The following CDH22 variants were observed in gnomAD, a reference collection of about 807,000 sequenced individuals.
CDH22 encodes cadherin 22.
In CDH22, 30 loss-of-function variants were observed where a neutral mutation model predicts 58.4. The observed-to-expected ratio is 0.51, with a 90% confidence interval of 0.38 to 0.70. CDH22 has a LOEUF of 0.70. CDH22 is among the 30% of genes least tolerant of loss of function. CDH22 has a pLI of 0.00. For missense variants in CDH22, 1,014 were observed against 1,233.9 expected, an observed-to-expected ratio of 0.82 and a Z score of 2.67; for synonymous variants, 513 against 558.2, an observed-to-expected ratio of 0.92 and a Z score of 1.14.
Position 46,174,439 on chromosome 20 carries a change from C to T in CDH22, c.*67G>A, listed in dbSNP as rs1483561618. On this transcript the variant is annotated 3_prime_UTR_variant, in exon 12 of 12. Coordinates refer to ENST00000537909, the MANE Select transcript of CDH22 (RefSeq NM_021248.3). The surrounding 1 kb of genome is among the most constrained non-coding windows in gnomAD (Gnocchi z 4.4). The stretch of plus-strand genomic sequence containing the variant: ...GGAAAGGGGGTCCGCGGGGGAAACG[C>T]GTTGTCCTGGGGCCCCGGCGTGTGC... 5.3e-5 allele frequency: 60 copies of T among 1,128,742 alleles called. No homozygotes were observed. The highest frequency in any genetic ancestry group is 3.0e-4 in the Middle Eastern group (1 of 3,308). The allele number at this position is 1,128,742 out of a possible 1,614,324, so 69.9% of individuals were successfully genotyped here. A position where few individuals can be genotyped will look rare whatever the true frequency, so the allele number is the denominator to read the frequency against.
At chr20:46,194,172 G>A (rs970871922) in intron 8 of CDH22, among the ~76,000 whole-genome samples, 1 of 152,056 alleles carries the variant, frequency 6.6e-6, no homozygotes, top group Non-Finnish European at 1.5e-5. Flanking sequence ...GTCTCTCCCC[G>A]CCCACCCGTG....
chr20:46,222,265 G>A (rs1165560877), intron 4 of CDH22, among the ~76,000 whole-genome samples: 1 of 152,166 alleles, frequency 6.6e-6, no homozygotes, highest in Admixed American at 6.5e-5. Flanking sequence ...TTCATCCCGT[G>A]TCTATAGGGC....
chr20:46,222,285 A>G (rs1365438764), intron 4 of CDH22, among the ~76,000 whole-genome samples: 2 of 152,228 alleles, frequency 1.3e-5, no homozygotes, highest in African/African-American at 4.8e-5. Context: ...CCTGGCACAC[A>G]GCAAGTGCTC....
intron 2 of CDH22, among the ~76,000 whole-genome samples, chr20:46,242,519 G>T (rs981079512): frequency 1.3e-5 from 2 of 152,214 alleles, no homozygotes; most frequent in Non-Finnish European, 2.9e-5. Flanking sequence ...ATCCATACAA[G>T]GCCCTTAGCA....
chr20:46,184,326 T>A (rs2085809979), intron 10 of CDH22, among the ~76,000 whole-genome samples: 1 of 152,208 alleles, frequency 6.6e-6, no homozygotes, highest in South Asian at 2.1e-4. Flanking sequence ...CTCGAACTTC[T>A]GACCTCAACT....
chr20:46,186,619 G>T lies in CDH22; in HGVS notation c.1632C>A (p.Ser544Arg), dbSNP rs2085826837. Residue 544 changes from serine (S) to arginine (R), a missense_variant, in exon 10 of 12, where the codon AGC (serine) becomes AGA (arginine). Coordinates refer to ENST00000537909, the MANE Select transcript of CDH22 (RefSeq NM_021248.3). ...FYFRLVPEAP[S>R]NPHFSLLDIQ... ...TGTCAAGCAGAGAGAAATGAGGGTT[G>T]CTGGGAGCTTCAGGCACCAGGCGGA... 6.2e-7 allele frequency: 1 copy of T among 1,612,462 alleles called. No homozygotes were observed. The highest frequency in any genetic ancestry group is 8.5e-7 in the Non-Finnish European group (1 of 1,179,842).
chr20:46,216,762 G>A lies in CDH22; in HGVS notation c.838+64C>T. 1.4e-6 allele frequency: 2 copies of A among 1,474,614 alleles called. No individual in the cohort carries two copies. Among genetic ancestry groups the A allele is most frequent in the Non-Finnish European group, 1.9e-6 (2 of 1,067,708 alleles). The allele number at this position is 1,474,614 out of a possible 1,614,324, so 91.3% of individuals were successfully genotyped here. A position where few individuals can be genotyped will look rare whatever the true frequency, so the allele number is the denominator to read the frequency against. Reference sequence around the variant, plus strand: ...TCTAAAGGGAAGCTGGGGTCAGCAGGTGGCTTGGATGGGGTAACAGACAGA... The same window carrying A: ...TCTAAAGGGAAGCTGGGGTCAGCAGATGGCTTGGATGGGGTAACAGACAGA... On this transcript the variant is annotated intron_variant, in intron 5 of 11. Transcript: ENST00000537909. The surrounding 1 kb of genome is among the most constrained non-coding windows in gnomAD (Gnocchi z 5.3).
intron 7 of CDH22, among the ~76,000 whole-genome samples, chr20:46,203,585 T>C (rs1028389879): frequency 6.6e-6 from 1 of 152,226 alleles, no homozygotes; most frequent in African/African-American, 2.4e-5. Context: ...AAAATAGAGA[T>C]GATAATCCTA....
intron 1 of CDH22, among the ~76,000 whole-genome samples, chr20:46,288,670 G>A (rs2086586637): frequency 2.0e-5 from 3 of 152,084 alleles, no homozygotes; most frequent in Admixed American, 6.5e-5. Flanking sequence ...TCCCCAGTTC[G>A]GTAACTGGCA....
chr20:46,253,488 G>A (rs1009433058), intron 1 of CDH22, among the ~76,000 whole-genome samples: 5 of 152,144 alleles, frequency 3.3e-5, no homozygotes, highest in African/African-American at 1.2e-4. Context: ...ATGGGGTCAG[G>A]AGGACCCATG....
intron 1 of CDH22, among the ~76,000 whole-genome samples, chr20:46,305,551 C>T (rs961758066): frequency 3.9e-4 from 59 of 152,224 alleles, no homozygotes; most frequent in African/African-American, 1.4e-3. Context: ...CCAGACACCA[C>T]CGTAGGGTCT....
chr20:46,253,747 T>TC (rs1260702980), intron 1 of CDH22, among the ~76,000 whole-genome samples: 6 of 152,148 alleles, frequency 3.9e-5, no homozygotes, highest in Admixed American at 1.3e-4. Flanking sequence ...TGGGAACTGT[T>TC]CCCCCAACTC....
chr20:46,220,009 G>C (rs1473360996), intron 4 of CDH22: 2 of 152,666 alleles, frequency 1.3e-5, no homozygotes, highest in African/African-American at 4.8e-5. Flanking sequence ...GAGCGAAGGT[G>C]ATGGACAGGG....
intron 10 of CDH22, among the ~76,000 whole-genome samples, chr20:46,185,084 TCAAA>T (rs139877494): frequency 4.0e-5 from 6 of 149,252 alleles, no homozygotes; most frequent in Admixed American, 1.3e-4. Flanking sequence ...AGATGCTGTC[TCAAA>T]CAAACAAACA....
At position 46,176,717 on chromosome 20, in the gene CDH22, G is replaced by C. The variant is rs151147983; in HGVS notation, c.1915+1229C>G. On this transcript the variant is annotated intron_variant, in intron 11 of 11. Coordinates refer to ENST00000537909, the MANE Select transcript of CDH22 (RefSeq NM_021248.3). ...GGAAGAGCACGAGAGCTGGGGACAG[G>C]CCCGGAGGGAGGGCACAGGGAAGGA... 7.8e-3 allele frequency among the ~76,000 whole-genome samples: 1,192 copies of C among 152,368 alleles called. 12 individuals are homozygous for C. Among genetic ancestry groups the C allele is most frequent in the African/African-American group, 0.026 (1,096 of 41,594 alleles).
At chr20:46,226,471 T>C (rs1213454368) in intron 4 of CDH22, among the ~76,000 whole-genome samples, 1 of 151,800 alleles carries the variant, frequency 6.6e-6, no homozygotes, top group Non-Finnish European at 1.5e-5. Context: ...TTTGTAGAGA[T>C]GGGTTCTCTC....
intron 1 of CDH22, among the ~76,000 whole-genome samples, chr20:46,307,477 T>C (rs2059028952): frequency 6.6e-6 from 1 of 152,166 alleles, no homozygotes; most frequent in African/African-American, 2.4e-5. Context: ...GACGTTAGGC[T>C]GTCGGGGGCC....
chr20:46,225,419 C>A (rs1395204332), intron 4 of CDH22, among the ~76,000 whole-genome samples: 1 of 152,120 alleles, frequency 6.6e-6, no homozygotes, highest in Non-Finnish European at 1.5e-5. Flanking sequence ...ATGGAATAAT[C>A]TTCAAAATGT....
chr20:46,227,457 G>T (rs749231584), intron 4 of CDH22, 51 bp downstream of exon 4: 2 of 546,450 alleles, frequency 3.7e-6, no homozygotes, highest in Admixed American at 2.7e-5. Flanking sequence ...GTCCCGCCCC[G>T]CCCCTGGCCC....
Sources: gnomAD v4.1 joint callset for allele counts (sites outside exome capture counted in the v4.1 genomes callset) on GRCh38, gnomAD v4.1.1 for gene constraint, Gnocchi (gnomAD v3.1) non-coding constraint, MANE v1.5 for transcripts, NCBI Gene and HGNC (gene_info 2026-07-23, HGNC 2026-07-21) for gene names.